AFF4: variants seen among roughly 807,000 people sequenced by gnomAD.
AFF4 encodes ALF transcription elongation factor 4, also known as AF4/FMR2 family member 4.
Under a neutral mutation model 124.8 loss-of-function variants are expected in AFF4, and 13 were observed. The ratio of observed to expected loss-of-function variants is 0.10; its 90% CI spans 0.07 to 0.17. The LOEUF (loss-of-function observed/expected upper bound fraction) is 0.17, where lower values mean the gene tolerates loss of function less well. Ranked by LOEUF, AFF4 falls within the 10% of genes least tolerant of loss-of-function variation. The pLI is 1.00. For synonymous variants in AFF4, 477 were observed against 496.1 expected, an observed-to-expected ratio of 0.96 and a Z score of 0.51; for missense variants, 1,092 against 1,403.8, an observed-to-expected ratio of 0.78 and a Z score of 3.55.
intron 13 of AFF4, among the ~76,000 whole-genome samples, chr5:132,890,850 A>G (rs1057415350): frequency 1.2e-4 from 19 of 152,152 alleles, no homozygotes; most frequent in Non-Finnish European, 2.5e-4. Context: ...AAAACACAAA[A>G]TAAGACACAA....
At chr5:132,955,342 A>G (rs1761928392) in intron 1 of AFF4, among the ~76,000 whole-genome samples, 1 of 152,128 alleles carries the variant, frequency 6.6e-6, no homozygotes, top group Non-Finnish European at 1.5e-5. Flanking sequence ...TCCAAGCTTG[A>G]GGGGCCCTCA....
chr5:132,878,169 G>C lies in AFF4; in HGVS notation c.*2890C>G, dbSNP rs1759885868. The C allele has an allele frequency of 4.4e-6, 1 of 228,006 alleles. No individual in the cohort carries two copies. Among genetic ancestry groups the C allele is most frequent in the Non-Finnish European group, 8.7e-6 (1 of 114,794 alleles). 14.1% of individuals were successfully genotyped at this position (228,006 alleles called of 1,614,324 possible). ...GCCAGACTGGAGCCTGGGCTGAGCTGTGGAAACTCCCCTGAAGGGGAATGC... is the reference window on the plus strand; with the variant it reads ...GCCAGACTGGAGCCTGGGCTGAGCTCTGGAAACTCCCCTGAAGGGGAATGC... On this transcript the variant is annotated 3_prime_UTR_variant, in exon 21 of 21. Coordinates refer to ENST00000265343, the MANE Select transcript of AFF4 (RefSeq NM_014423.4).
At chr5:132,949,700 ACGCGCGCG>A (rs34997571) in intron 1 of AFF4, among the ~76,000 whole-genome samples, 2 of 146,628 alleles carry the variant, frequency 1.4e-5, no homozygotes, top group African/African-American at 2.6e-5. Context: ...ACACACACAC[ACGCGCGCG>A]CGCGCGCGCC....
Position 132,899,134 on chromosome 5 carries a change from T to C in AFF4, c.1196A>G (p.Asp399Gly). 2 of 1,613,080 alleles carry C rather than the reference T, an allele frequency of 1.2e-6. No individual in the cohort carries two copies. The highest frequency in any genetic ancestry group is 1.7e-6 in the Non-Finnish European group (2 of 1,179,302). ...TGGTGTACTCCTCGGCATTGTCTTA[T>C]CACAATCCTAAAATTAAAACATAAG... The part of the protein sequence containing the change: ...SEDSDGEQDC[D>G]KTMPRSTPGS... Residue 399 changes from aspartate (D) to glycine (G), a missense_variant, in exon 9 of 21, where the codon GAT becomes GGT. Transcript: ENST00000265343.
intron 5 of AFF4, among the ~76,000 whole-genome samples, chr5:132,905,624 C>G (rs1760655868): frequency 1.3e-5 from 2 of 152,190 alleles, no homozygotes; most frequent in South Asian, 4.1e-4. Context: ...CAAAATAAAG[C>G]TGGGCCTTTA....
intron 4 of AFF4, among the ~76,000 whole-genome samples, chr5:132,931,437 A>C (rs981415624): frequency 6.6e-6 from 1 of 152,150 alleles, no homozygotes; most frequent in African/African-American, 2.4e-5. Flanking sequence ...TCAAGAAAAA[A>C]TAAATGTGCA....
At chr5:132,949,019 AT>A (rs1438504027) in intron 1 of AFF4, among the ~76,000 whole-genome samples, 4 of 151,928 alleles carry the variant, frequency 2.6e-5, no homozygotes, top group African/African-American at 9.7e-5. Flanking sequence ...ATATTAATCT[AT>A]CCCTTGGAAT....
At chr5:132,898,161 G>A in intron 10 of AFF4, 69 bp downstream of exon 10, 1 of 1,549,896 alleles carries the variant, frequency 6.5e-7, no homozygotes, top group Non-Finnish European at 8.8e-7. Context: ...ATTTGGATCA[G>A]GTTTTAAATG....
intron 2 of AFF4, among the ~76,000 whole-genome samples, chr5:132,935,368 GTAATCCCAGCAC>G (rs928027799): frequency 6.6e-6 from 1 of 152,192 alleles, no homozygotes; most frequent in Admixed American, 6.5e-5. Context: ...GCTCACACCT[GTAATCCCAGCAC>G]TTTGGGAGGC....
At chr5:132,905,180 T>TGG (rs550815941) in intron 5 of AFF4, among the ~76,000 whole-genome samples, 110 of 152,302 alleles carry the variant, frequency 7.2e-4, no homozygotes, top group African/African-American at 2.6e-3. Flanking sequence ...GAGGAAGAGA[T>TGG]GGTCATTTAC....
At chr5:132,923,396 G>C (rs374012531) in intron 5 of AFF4, among the ~76,000 whole-genome samples, 4 of 143,778 alleles carry the variant, frequency 2.8e-5, no homozygotes, top group Admixed American at 2.1e-4. Context: ...GAGAGAGAGA[G>C]AGAAAGCAAG....
chr5:132,908,981 C>T (rs947008188), intron 5 of AFF4, among the ~76,000 whole-genome samples: 28 of 150,896 alleles, frequency 1.9e-4, no homozygotes, highest in African/African-American at 5.8e-4. Context: ...GTGTTGGCCA[C>T]GCTGGTCTCG....
intron 5 of AFF4, among the ~76,000 whole-genome samples, chr5:132,911,026 T>C (rs969590108): frequency 2.6e-5 from 4 of 152,224 alleles, no homozygotes; most frequent in Non-Finnish European, 4.4e-5. Context: ...GTAGTGGTGT[T>C]CTATTCTAAA....
chr5:132,882,930 AATCC>A (rs3048922), intron 20 of AFF4, among the ~76,000 whole-genome samples: 17,432 of 152,032 alleles, frequency 0.11, 1,265 homozygotes, highest in South Asian at 0.2. Flanking sequence ...TATACCTAAA[AATCC>A]AGTATGAGCA....
At chr5:132,881,562 C>T (rs914952982) in intron 20 of AFF4, among the ~76,000 whole-genome samples, 5 of 152,176 alleles carry the variant, frequency 3.3e-5, no homozygotes, top group African/African-American at 1.2e-4. Context: ...GCAAGTGACA[C>T]AAAAAGGAGG....
chr5:132,897,635 G>A (rs549597240), intron 10 of AFF4, among the ~76,000 whole-genome samples: 27 of 152,012 alleles, frequency 1.8e-4, no homozygotes, highest in Non-Finnish European at 2.2e-4. Context: ...ACTTGAACCC[G>A]GGAGGCGGAG....
chr5:132,961,694 C>G (rs1762085363), intron 1 of AFF4, among the ~76,000 whole-genome samples: 1 of 152,168 alleles, frequency 6.6e-6, no homozygotes, highest in Non-Finnish European at 1.5e-5. Context: ...AACTGTAGAT[C>G]ATGTTCCAAT....
rs1759922755 is a variant in AFF4 at position 132,879,609 on chromosome 5, A to G, written c.*1450T>C. The G allele has an allele frequency of 4.8e-6, 1 of 208,492 alleles. No individual in the cohort carries two copies. Among genetic ancestry groups the G allele is most frequent in the African/African-American group, 2.3e-5 (1 of 44,082 alleles). 12.9% of individuals were successfully genotyped at this position (208,492 alleles called of 1,614,324 possible). On this transcript the variant is annotated 3_prime_UTR_variant, in exon 21 of 21. Coordinates refer to ENST00000265343, the MANE Select transcript of AFF4 (RefSeq NM_014423.4). ...GTAAAACTTCATTTGTAAACAATCCATAGAGTCTTCATTTAAAGGTAAGAT... is the reference window on the plus strand; with the variant it reads ...GTAAAACTTCATTTGTAAACAATCCGTAGAGTCTTCATTTAAAGGTAAGAT...
rs1316196202 is a variant in AFF4, at chr5:132,877,866, T to A, written c.*3193A>T. 4.5e-6 allele frequency: 1 copy of A among 221,194 alleles called. No individual in the cohort carries two copies. The highest frequency in any genetic ancestry group is 9.1e-6 in the Non-Finnish European group (1 of 110,376). The allele number at this position is 221,194 out of a possible 1,614,324, so 13.7% of individuals were successfully genotyped here. ...CAACAATTTTTTAAAAACTAGTGAA[T>A]CTAATAAAGCCAAGTGTGTCATTCA... On this transcript the variant is annotated 3_prime_UTR_variant, in exon 21 of 21. Coordinates refer to ENST00000265343, the MANE Select transcript of AFF4 (RefSeq NM_014423.4).
Sources: allele counts gnomAD v4.1 joint callset (sites outside exome capture counted in the v4.1 genomes callset), GRCh38; gene constraint gnomAD v4.1.1; transcripts MANE v1.5; gene names NCBI Gene and HGNC (gene_info 2026-07-23, HGNC 2026-07-21).